CELF2: variants seen among roughly 807,000 people sequenced by gnomAD.
The protein encoded by CELF2 is CUGBP Elav-like family member 2.
A neutral mutation model predicts 62.6 loss-of-function variants in CELF2; 8 were observed. The ratio of observed to expected loss-of-function variants is 0.13; its 90% confidence interval spans 0.07 to 0.23. CELF2 has a LOEUF of 0.23. CELF2 is among the 10% of genes least tolerant of loss of function. The pLI, the probability that CELF2 is intolerant of heterozygous loss-of-function variation, is 1.00. For missense variants in CELF2, 333 were observed against 671.0 expected (o/e 0.50, Z 5.56); for synonymous variants, 258 against 250.0 (o/e 1.03, Z -0.30).
chr10:10,509,936 T>C, the CELF2 span, among the ~76,000 whole-genome samples: 18 of 152,294 alleles, frequency 1.2e-4, no homozygotes, highest in East Asian at 5.8e-4. Flanking sequence ...TGACCCTACA[T>C]TGACCTTGCC....
In CELF2 at chr10:11,296,209, G is replaced by A. The variant is rs1189982585; in HGVS notation, c.976+7657G>A. Among the ~76,000 whole-genome samples, 1 of 152,108 alleles carries A rather than the reference G, an allele frequency of 6.6e-6. No homozygotes were observed. Among genetic ancestry groups the A allele is most frequent in the Non-Finnish European group, 1.5e-5 (1 of 68,014 alleles). On this transcript the variant is annotated intron_variant, in intron 9 of 12. Coordinates refer to ENST00000633077, the MANE Select transcript of CELF2 (RefSeq NM_001326342.2). This position sits in a 1 kb window ranked among gnomAD's most constrained non-coding sequence, Gnocchi z 5.0. ...GTTTTGAGTGGGCTTTTTAACATGT[G>A]CAGACATTGACTCTAATTCTTCACG...
the CELF2 span, among the ~76,000 whole-genome samples, chr10:10,588,865 A>G: frequency 1.2e-4 from 18 of 152,226 alleles, no homozygotes; most frequent in East Asian, 2.5e-3. Flanking sequence ...ACAGAGTACC[A>G]CCCACTTATG....
chr10:10,472,278 T>C, the CELF2 span, among the ~76,000 whole-genome samples: 1 of 151,878 alleles, frequency 6.6e-6, no homozygotes, highest in Non-Finnish European at 1.5e-5. Context: ...TTTCTATCAA[T>C]GTGTATCCTC....
Position 11,285,855 on chromosome 10 carries a change from G to C in CELF2, c.842-2563G>C, listed in dbSNP as rs2091098489. 7.0e-6 allele frequency among the ~76,000 whole-genome samples: 1 copy of C among 142,464 alleles called. No individual in the cohort carries two copies. Among genetic ancestry groups the C allele is most frequent in the African/African-American group, 2.9e-5 (1 of 34,006 alleles). 93.5% of individuals were successfully genotyped at this position (142,464 alleles called of 152,430 possible). On this transcript the variant is annotated intron_variant, in intron 8 of 12. Coordinates refer to ENST00000633077, the MANE Select transcript of CELF2 (RefSeq NM_001326342.2). This position sits in a 1 kb window ranked among gnomAD's most constrained non-coding sequence, Gnocchi z 4.3. ...TGTGTGTGTGTGTGTGTGTGTGTGT[G>C]TGTGTGTGTGTGTGTGTGTGTGTTT...
At chr10:10,598,254 A>G in the CELF2 span, among the ~76,000 whole-genome samples, 1 of 152,350 alleles carries the variant, frequency 6.6e-6, no homozygotes, top group Non-Finnish European at 1.5e-5. Context: ...AGACATGAAT[A>G]AAGTATGAAC....
intron 1 of CELF2, among the ~76,000 whole-genome samples, chr10:11,070,579 G>C (rs531160410): frequency 4.1e-4 from 63 of 152,254 alleles, no homozygotes; most frequent in Middle Eastern, 3.4e-3. Flanking sequence ...ATGTAGTTCA[G>C]GTGAACATCT....
chr10:10,498,471 C>G, the CELF2 span, among the ~76,000 whole-genome samples: 35 of 152,314 alleles, frequency 2.3e-4, no homozygotes, highest in African/African-American at 7.9e-4. Context: ...GGAGGCAGAA[C>G]TCTGCCAGTG....
intron 1 of CELF2, among the ~76,000 whole-genome samples, chr10:10,843,467 G>A (rs1000260734): frequency 1.4e-4 from 21 of 151,904 alleles, no homozygotes; most frequent in African/African-American, 2.9e-4. Context: ...GCTGCATGTC[G>A]CAAATTTTTC....
rs1474690790 is a variant in CELF2 at position 11,246,457 on chromosome 10, A to T, written c.355-2696A>T. On this transcript the variant is annotated intron_variant, in intron 3 of 12. Coordinates refer to ENST00000633077, the MANE Select transcript of CELF2 (RefSeq NM_001326342.2). This position sits in a 1 kb window ranked among gnomAD's most constrained non-coding sequence, Gnocchi z 4.6. ...AATAGAAGAAGCCCTCATTCACCCT[A>T]TCTACTGTTACCCTCCTCCTTTCCC... is the stretch of plus-strand genomic sequence containing the variant. Among the ~76,000 whole-genome samples, 1 of 152,068 alleles carries T rather than the reference A, an allele frequency of 6.6e-6. No homozygotes were observed. The highest frequency in any genetic ancestry group is 1.5e-5 in the Non-Finnish European group (1 of 67,998).
chr10:11,118,012 A>G (rs929494877), intron 1 of CELF2, among the ~76,000 whole-genome samples: 1 of 152,204 alleles, frequency 6.6e-6, no homozygotes, highest in Non-Finnish European at 1.5e-5. Context: ...TTAAAAAACA[A>G]AAGGGTAATC....
In CELF2 at chr10:11,165,205, C is replaced by G; in HGVS notation, c.75-281C>G. 1 of 1,283,440 alleles carries G rather than the reference C, an allele frequency of 7.8e-7. No homozygotes were observed. 79.5% of individuals were successfully genotyped at this position (1,283,440 alleles called of 1,614,324 possible). A position where few individuals can be genotyped will look rare whatever the true frequency, so the allele number is the denominator to read the frequency against. On this transcript the variant is annotated intron_variant, in intron 1 of 12. Transcript: ENST00000633077. This position sits in a 1 kb window ranked among gnomAD's most constrained non-coding sequence, Gnocchi z 7.4. ...AACTTGCAGCTGCCTCCCGAGCCTC[C>G]AAGATGTCCACGCCCTGGGTGACAG...
At chr10:11,001,504 G>T (rs866811264), upstream of CELF2, among the ~76,000 whole-genome samples, 2 of 152,170 alleles carry the variant, frequency 1.3e-5, no homozygotes, top group Non-Finnish European at 2.9e-5. Context: ...TGGAAATTTA[G>T]CTCTTTCTTC....
intron 2 of CELF2, among the ~76,000 whole-genome samples, chr10:10,941,232 C>T (rs1040374408): frequency 8.5e-5 from 13 of 152,130 alleles, no homozygotes; most frequent in East Asian, 3.8e-4. Flanking sequence ...AAATGTGCTA[C>T]GGAGACACCA....
the CELF2 span, among the ~76,000 whole-genome samples, chr10:10,467,258 A>T: frequency 6.6e-6 from 1 of 152,054 alleles, no homozygotes; most frequent in African/African-American, 2.4e-5. Flanking sequence ...GCTAATGTTT[A>T]TGTTTAGTAT....
chr10:10,735,191 C>T, the CELF2 span, among the ~76,000 whole-genome samples: 285 of 152,124 alleles, frequency 1.9e-3, 1 homozygote, highest in Non-Finnish European at 3.3e-3. Flanking sequence ...CATCAGGATC[C>T]GAATGATTTC....
the CELF2 span, among the ~76,000 whole-genome samples, chr10:10,567,573 C>T: frequency 6.6e-6 from 1 of 152,038 alleles, no homozygotes; most frequent in East Asian, 1.9e-4. Flanking sequence ...GTGGGGTGAC[C>T]CTTCGGAGTC....
intron 2 of CELF2, among the ~76,000 whole-genome samples, chr10:11,167,737 G>T (rs1396936457): frequency 6.6e-6 from 1 of 152,206 alleles, no homozygotes. Flanking sequence ...TGCAGAAGAA[G>T]GGAGGCCTGA....
chr10:11,091,747 G>A (rs897398040), intron 1 of CELF2, among the ~76,000 whole-genome samples: 6 of 152,274 alleles, frequency 3.9e-5, no homozygotes, highest in Middle Eastern at 3.4e-3. Context: ...ATGGGGAAAG[G>A]CAAGCAATAA....
chr10:10,614,737 G>C, the CELF2 span, among the ~76,000 whole-genome samples: 1 of 152,130 alleles, frequency 6.6e-6, no homozygotes, highest in Non-Finnish European at 1.5e-5. Context: ...GATAAAGCAG[G>C]TTATCCAGGT....
Sources: allele counts gnomAD v4.1 joint callset (sites outside exome capture counted in the v4.1 genomes callset), GRCh38; gene constraint gnomAD v4.1.1; non-coding constraint Gnocchi (gnomAD v3.1); transcripts MANE v1.5; gene names NCBI Gene and HGNC (gene_info 2026-07-23, HGNC 2026-07-21).